The following TSGA10IP variants were observed in gnomAD, a reference collection of about 807,000 sequenced individuals.
The protein encoded by TSGA10IP is testis specific 10 interacting protein, also known as testis-specific protein 10-interacting protein.
In TSGA10IP, 64 loss-of-function variants were observed where a neutral mutation model predicts 63.2. That is an observed-to-expected ratio of 1.01 (90% CI 0.83 to 1.25). TSGA10IP has a LOEUF of 1.25. TSGA10IP is among the 50% of genes most tolerant of loss of function. TSGA10IP has a pLI of 0.00. For missense variants in TSGA10IP, 681 were observed against 710.1 expected, an observed-to-expected ratio of 0.96 and a Z score of 0.47; for synonymous variants, 316 against 298.3, an observed-to-expected ratio of 1.06 and a Z score of -0.61.
At chr11:65,954,332 ATT>A (rs35473847) in intron 5 of TSGA10IP, among the ~76,000 whole-genome samples, 5 of 142,240 alleles carry the variant, frequency 3.5e-5, no homozygotes, top group African/African-American at 7.8e-5. Context: ...CGCCCGGCTA[ATT>A]TTTTTTTTTT....
At position 65,946,985 on chromosome 11, in the gene TSGA10IP, A is replaced by G. The variant is rs750456128; in HGVS notation, c.253A>G (p.Lys85Glu). The G allele has an allele frequency of 1.9e-6, 3 of 1,613,862 alleles. No individual in the cohort carries two copies. The African/African-American group carries it at 4.0e-5, about 22-fold the overall frequency. Residue 85 changes from lysine (K) to glutamate (E), a missense_variant, in exon 2 of 8, where the codon AAG becomes GAG. Lys to Glu is a moderately conservative substitution (Grantham distance 56). Transcript: ENST00000532620. ...GGACCGCAAGCCCAGGGGCCAGAGC[A>G]AGAAAGGACAGGGCTCTGAAGAGTC... is the stretch of plus-strand genomic sequence containing the variant.
intron 4 of TSGA10IP, among the ~76,000 whole-genome samples, 167 bp downstream of exon 4, chr11:65,948,315 T>TCCACCCAC (rs60763649): frequency 6.6e-6 from 1 of 150,512 alleles, no homozygotes; most frequent in African/African-American, 2.5e-5. Context: ...CATCCATCCA[T>TCCACCCAC]CCACCCATCC....
chr11:65,958,854 A>T (rs1406092590), intron 5 of TSGA10IP, 29 bp from the exon 6 acceptor site: 1 of 1,593,910 alleles, frequency 6.3e-7, no homozygotes, highest in Non-Finnish European at 8.6e-7. Context: ...GTCCATGGTT[A>T]GCTGCACAAA....
rs761714052 is a variant in TSGA10IP, at chr11:65,947,451, C to T, written c.626C>T (p.Ser209Leu). 4.3e-5 allele frequency: 69 copies of T among 1,613,362 alleles called. No individual in the cohort carries two copies. The Admixed American group carries it at 9.8e-4, about 23-fold the overall frequency. ...CCTGGGAGGAGGCCAGGATCAGGAT[C>T]GGCGTCCGACAAGCAGGTCCAGCTG... The change falls in exon 3 of 8, where the codon TCG becomes TTG. Residue 209 changes from serine to leucine, a missense_variant. Coordinates refer to ENST00000532620, the Ensembl canonical transcript of TSGA10IP.
chr11:65,945,556 T>C (rs1418686196), exon 1 of TSGA10IP: 4 of 1,130,160 alleles, frequency 3.5e-6, no homozygotes, highest in Admixed American at 2.5e-5. Flanking sequence ...TGGCCTCACA[T>C]ACCCCACTGA....
intron 4 of TSGA10IP, among the ~76,000 whole-genome samples, chr11:65,951,952 T>G (rs1483445377): frequency 6.6e-6 from 1 of 151,386 alleles, no homozygotes; most frequent in Non-Finnish European, 1.5e-5. Flanking sequence ...CAGGTTCAAG[T>G]GATTCTCTTG....
exon 2 of TSGA10IP, chr11:65,946,905 T>A (rs551014052): frequency 5.0e-6 from 8 of 1,613,780 alleles, no homozygotes; most frequent in Non-Finnish European, 5.9e-6. Context: ...GGTGATGGTG[T>A]GCCAAATCAA....
chr11:65,953,427 A>C, intron 4 of TSGA10IP, 140 bp from the exon 5 acceptor site: 366 of 1,178,218 alleles, frequency 3.1e-4, no homozygotes, highest in Non-Finnish European at 3.8e-4. Flanking sequence ...CTTCCATGAC[A>C]AACCCTACTC....
chr11:65,956,418 T>C (rs897061383), intron 5 of TSGA10IP, among the ~76,000 whole-genome samples: 5 of 152,146 alleles, frequency 3.3e-5, no homozygotes, highest in Non-Finnish European at 5.9e-5. Flanking sequence ...ATTACAGGCG[T>C]GAGCCACCGC....
chr11:65,958,292 G>C (rs1351303096), intron 5 of TSGA10IP, among the ~76,000 whole-genome samples: 2 of 152,180 alleles, frequency 1.3e-5, no homozygotes, highest in Admixed American at 6.6e-5. Flanking sequence ...GTGGAACCCT[G>C]ATCTCTCAGG....
At chr11:65,947,590 G>T in exon 3 of TSGA10IP, 1 of 1,613,922 alleles carries the variant, frequency 6.2e-7, no homozygotes, top group Non-Finnish European at 8.5e-7. Context: ...CCACAGAGGA[G>T]GCTGAGGAGG....
chr11:65,954,172 T>TC (rs1161237478), intron 5 of TSGA10IP, among the ~76,000 whole-genome samples: 11 of 151,468 alleles, frequency 7.3e-5, no homozygotes, highest in Non-Finnish European at 1.3e-4. Context: ...ATTTTCCTTT[T>TC]TTTTTTTTTT....
chr11:65,945,809 C>T (rs1854820740), exon 1 of TSGA10IP: 1 of 1,613,778 alleles, frequency 6.2e-7, no homozygotes, highest in African/African-American at 1.3e-5. Flanking sequence ...TCGACCGTCT[C>T]TCAGGACAAG....
chr11:65,950,106 C>A (rs1854919436), intron 4 of TSGA10IP, among the ~76,000 whole-genome samples: 1 of 151,918 alleles, frequency 6.6e-6, no homozygotes, highest in African/African-American at 2.4e-5. Flanking sequence ...CCGCCTCAGC[C>A]TCCCAAAGTG....
intron 4 of TSGA10IP, 120 bp downstream of exon 4, chr11:65,948,268 C>A: frequency 7.9e-7 from 1 of 1,268,512 alleles, no homozygotes; most frequent in East Asian, 2.6e-5. Flanking sequence ...ATTCACCAAA[C>A]TTTTGGATCA....
At chr11:65,959,069 T>G in intron 6 of TSGA10IP, 87 bp downstream of exon 6, 2 of 1,570,574 alleles carry the variant, frequency 1.3e-6, no homozygotes, top group Non-Finnish European at 1.7e-6. Context: ...AGTAGGTCCC[T>G]GCAGATAGGA....
At position 65,953,612 on chromosome 11, in the gene TSGA10IP, G is replaced by A. The variant is rs761721907; in HGVS notation, c.1197G>A (p.Gln399=). The stretch of plus-strand genomic sequence containing the variant: ...AGCGGCAGCGGCAGGAGGAGCGGCA[G>A]CAGGCCGAGCTGCGGCGGGCCCGGA... The change falls in exon 5 of 8, where the codon CAG becomes CAA. Residue 399 remains glutamine (Q), a synonymous_variant. Coordinates refer to ENST00000532620, the Ensembl canonical transcript of TSGA10IP. 4.4e-6 allele frequency: 7 copies of A among 1,586,578 alleles called. No homozygotes were observed. In the South Asian group the frequency reaches 6.7e-5, roughly 15 times the overall value.
At position 65,947,362 on chromosome 11, in the gene TSGA10IP, C is replaced by A. The variant is rs1273413628; in HGVS notation, c.537C>A (p.Gly179=). The change falls in exon 3 of 8, where the codon GGC becomes GGA. Residue 179 remains glycine, a synonymous_variant. Transcript: ENST00000532620. ...CGAGACAGCAGCTGGGAGCCTGGGG[C>A]GGTGTCTCCATCCCTACTGGCAAAG... 4 of 1,611,700 alleles carry A rather than the reference C, an allele frequency of 2.5e-6. No homozygotes were observed. In the South Asian group the frequency reaches 4.4e-5, roughly 18 times the overall value.
chr11:65,947,528 C>T (rs770841030), exon 3 of TSGA10IP: 1 of 1,613,616 alleles, frequency 6.2e-7, no homozygotes, highest in Non-Finnish European at 8.5e-7. Context: ...TGGGGTGCTG[C>T]CCCAGCGCCC....
Sources: gnomAD v4.1 joint callset for allele counts (sites outside exome capture counted in the v4.1 genomes callset) on GRCh38, gnomAD v4.1.1 for gene constraint, MANE v1.5 for transcripts, NCBI Gene and HGNC (gene_info 2026-07-23, HGNC 2026-07-21) for gene names.